The following RNLS variants were observed in gnomAD, a reference collection of about 807,000 sequenced individuals.
The protein encoded by RNLS is renalase, FAD dependent amine oxidase.
RNLS carries 39 observed loss-of-function variants against 39.8 expected under a neutral mutation model. The ratio of observed to expected loss-of-function variants is 0.98; its 90% CI spans 0.76 to 1.28. RNLS has a LOEUF of 1.28. Ranked by LOEUF, RNLS falls within the 50% of genes most tolerant of loss-of-function variation. The pLI is 0.00. For synonymous variants in RNLS, 147 were observed against 150.7 expected (o/e 0.98, Z 0.18); for missense variants, 410 against 413.3 (o/e 0.99, Z 0.07).
chr10:88,409,472 G>T (rs768316995), intron 4 of RNLS, among the ~76,000 whole-genome samples: 1 of 152,108 alleles, frequency 6.6e-6, no homozygotes, highest in African/African-American at 2.4e-5. Context: ...AACTCAGAAA[G>T]ATTCTGTGAG....
At chr10:88,234,367 T>G in the RNLS span, among the ~76,000 whole-genome samples, 8 of 152,080 alleles carry the variant, frequency 5.3e-5, no homozygotes, top group Non-Finnish European at 8.8e-5. Flanking sequence ...TTTGCTGCAG[T>G]GATGGGCCAT....
At chr10:88,489,281 T>C (rs966982790) in intron 4 of RNLS, among the ~76,000 whole-genome samples, 4 of 152,270 alleles carry the variant, frequency 2.6e-5, no homozygotes, top group Admixed American at 2.0e-4. Context: ...ATAAAGTAAA[T>C]AGTAAGTGTC....
At chr10:88,531,339 T>C (rs934026909) in intron 4 of RNLS, among the ~76,000 whole-genome samples, 2 of 151,226 alleles carry the variant, frequency 1.3e-5, no homozygotes, top group African/African-American at 4.8e-5. Flanking sequence ...TATAAGGGAA[T>C]GTTTTTTAAA....
intron 4 of RNLS, among the ~76,000 whole-genome samples, chr10:88,394,769 C>A (rs1852446302): frequency 6.6e-6 from 1 of 152,154 alleles, no homozygotes. Flanking sequence ...GCACTATTCA[C>A]AATAGCAGAT....
chr10:88,311,107 A>G (rs900498192), intron 6 of RNLS, among the ~76,000 whole-genome samples: 1 of 152,102 alleles, frequency 6.6e-6, no homozygotes, highest in African/African-American at 2.4e-5. Context: ...GAAAAGGGCC[A>G]CTCACATTTT....
intron 4 of RNLS, among the ~76,000 whole-genome samples, chr10:88,443,521 C>T (rs1841850842): frequency 6.6e-6 from 1 of 152,224 alleles, no homozygotes; most frequent in South Asian, 2.1e-4. Context: ...CGAGGCATCA[C>T]CTCACCCGGG....
At chr10:88,242,321 T>C in the RNLS span, among the ~76,000 whole-genome samples, 1 of 152,216 alleles carries the variant, frequency 6.6e-6, no homozygotes, top group African/African-American at 2.4e-5. Flanking sequence ...TTTCTTCTTA[T>C]AGGGTCCAAA....
chr10:88,547,036 T>G (rs970396434), intron 4 of RNLS, among the ~76,000 whole-genome samples: 8 of 152,326 alleles, frequency 5.3e-5, no homozygotes, highest in Admixed American at 5.2e-4. Flanking sequence ...AGTATGTGCC[T>G]GTGTGCTTTA....
intron 4 of RNLS, among the ~76,000 whole-genome samples, chr10:88,536,466 T>C (rs985365374): frequency 6.6e-6 from 1 of 152,200 alleles, no homozygotes; most frequent in African/African-American, 2.4e-5. Context: ...ATTTAAAATA[T>C]AGATCAAATT....
intron 4 of RNLS, among the ~76,000 whole-genome samples, chr10:88,500,285 G>C (rs538907412): frequency 2.6e-5 from 4 of 152,124 alleles, no homozygotes; most frequent in Admixed American, 2.6e-4. Flanking sequence ...TCCACAGGAG[G>C]TATTCAGGAG....
chr10:88,409,734 C>A (rs1853540239), intron 4 of RNLS, among the ~76,000 whole-genome samples: 3 of 152,092 alleles, frequency 2.0e-5, no homozygotes, highest in Non-Finnish European at 4.4e-5. Flanking sequence ...AAATTAATGG[C>A]AGAGCTGAAA....
the RNLS span, among the ~76,000 whole-genome samples, chr10:88,188,166 C>T: frequency 6.6e-6 from 1 of 152,106 alleles, no homozygotes; most frequent in African/African-American, 2.4e-5. Context: ...AAGCGATTAT[C>T]CTGCCTCAGC....
intron 4 of RNLS, among the ~76,000 whole-genome samples, chr10:88,442,507 T>C (rs896524357): frequency 6.6e-6 from 1 of 152,228 alleles, no homozygotes; most frequent in African/African-American, 2.4e-5. Context: ...ACCTATTCTC[T>C]CCTTATGCCA....
chr10:88,312,540 G>A (rs1845453960), intron 6 of RNLS, among the ~76,000 whole-genome samples: 1 of 152,290 alleles, frequency 6.6e-6, no homozygotes, highest in African/African-American at 2.4e-5. Context: ...GGGTGAAGAG[G>A]ATGGAAGGAC....
At chr10:88,561,961 G>A (rs977286820) in intron 4 of RNLS, among the ~76,000 whole-genome samples, 1 of 152,100 alleles carries the variant, frequency 6.6e-6, no homozygotes, top group African/African-American at 2.4e-5. Context: ...CAAGGGAAAT[G>A]CAAATTAATG....
At chr10:88,419,779 C>T (rs1854278358) in intron 4 of RNLS, among the ~76,000 whole-genome samples, 2 of 151,874 alleles carry the variant, frequency 1.3e-5, no homozygotes, top group African/African-American at 2.4e-5. Flanking sequence ...CCGAGGCGGG[C>T]GGATCACCTG....
intron 4 of RNLS, among the ~76,000 whole-genome samples, chr10:88,456,129 C>A (rs1842616047): frequency 6.6e-6 from 1 of 152,104 alleles, no homozygotes; most frequent in Admixed American, 6.6e-5. Context: ...TTCAACTAAG[C>A]AAATTAGGAA....
chr10:88,438,113 T>G (rs1589792441), intron 4 of RNLS, among the ~76,000 whole-genome samples: 6 of 116,524 alleles, frequency 5.1e-5, no homozygotes, highest in Admixed American at 9.8e-5. Context: ...GCAACAAGAG[T>G]GAAACTCCTA....
intron 4 of RNLS, among the ~76,000 whole-genome samples, chr10:88,558,197 AG>A (rs1848977200): frequency 6.6e-6 from 1 of 152,172 alleles, no homozygotes; most frequent in Non-Finnish European, 1.5e-5. Context: ...AGGGGCAAAA[AG>A]GTATACCGCT....
Sources: gnomAD v4.1 joint callset for allele counts (sites outside exome capture counted in the v4.1 genomes callset) on GRCh38, gnomAD v4.1.1 for gene constraint, MANE v1.5 for transcripts, NCBI Gene and HGNC (gene_info 2026-07-23, HGNC 2026-07-21) for gene names.